MYO1E: variants seen among roughly 807,000 people sequenced by gnomAD.
MYO1E encodes unconventional myosin-Ie.
Under a neutral mutation model 151.1 loss-of-function variants are expected in MYO1E, and 68 were observed. The observed-to-expected ratio is 0.45, with a 90% CI of 0.37 to 0.55. The LOEUF is 0.55. Among genes scored for constraint, MYO1E ranks in the 20% least tolerant of loss-of-function variants. The probability of loss-of-function intolerance (pLI) is 0.00; values close to 1 mark genes in which losing one functional copy is unlikely to be tolerated. For missense variants in MYO1E, 1,363 were observed against 1,389.3 expected (o/e 0.98, Z 0.30); for synonymous variants, 601 against 501.7 (o/e 1.20, Z -2.64).
intron 4 of MYO1E, among the ~76,000 whole-genome samples, chr15:59,245,353 A>G (rs1231764109): frequency 6.6e-6 from 1 of 152,176 alleles, no homozygotes; most frequent in Non-Finnish European, 1.5e-5. Context: ...CAAATCTAAA[A>G]TATATGTTGA....
intron 9 of MYO1E, among the ~76,000 whole-genome samples, chr15:59,219,473 T>C (rs946219065): frequency 6.6e-6 from 1 of 152,230 alleles, no homozygotes; most frequent in African/African-American, 2.4e-5. Context: ...ATAATCTGTT[T>C]GAATTTCACA....
intron 18 of MYO1E, among the ~76,000 whole-genome samples, 196 bp from the exon 19 acceptor site, chr15:59,178,733 C>T (rs1055886028): frequency 1.3e-5 from 2 of 152,210 alleles, no homozygotes; most frequent in Admixed American, 6.5e-5. Context: ...TGCTCGTTCC[C>T]GAGCTGCCTC....
At chr15:59,280,542 AACCTGGGAGGCAGAGGTTGC>A (rs1241711628) in intron 1 of MYO1E, among the ~76,000 whole-genome samples, 1 of 151,866 alleles carries the variant, frequency 6.6e-6, no homozygotes, top group Non-Finnish European at 1.5e-5. Flanking sequence ...GAATTGCTTA[AACCTGGGAGGCAGAGGTTGC>A]AGTGAGCTGA....
chr15:59,328,052 G>A (rs1467151357), intron 1 of MYO1E, among the ~76,000 whole-genome samples: 1 of 152,226 alleles, frequency 6.6e-6, no homozygotes, highest in African/African-American at 2.4e-5. Flanking sequence ...GCTAAAAGGA[G>A]GAAGTGGAGG....
At chr15:59,335,291 A>G (rs1315542267) in intron 1 of MYO1E, among the ~76,000 whole-genome samples, 1 of 150,702 alleles carries the variant, frequency 6.6e-6, no homozygotes, top group African/African-American at 2.4e-5. Context: ...ATGTAGTAAA[A>G]GGTGGACTAG....
At chr15:59,323,064 G>A in intron 1 of MYO1E, among the ~76,000 whole-genome samples, 1 of 149,842 alleles carries the variant, frequency 6.7e-6, no homozygotes, top group Non-Finnish European at 1.5e-5. Context: ...AGCTACTCAG[G>A]AGGCTGAGGC....
rs1486599003 is a variant in MYO1E, at chr15:59,178,540, G to A, written c.1905-3C>T. On this transcript the variant is annotated splice_polypyrimidine_tract_variant and splice_region_variant and intron_variant, in intron 18 of 27. Coordinates refer to ENST00000288235, the MANE Select transcript of MYO1E (RefSeq NM_004998.4). ...TGGCTTTGGTCAGAATGGCATACCT[G>A]TGGGGACATTGGGGAGAAGAGAATC... is the stretch of plus-strand genomic sequence containing the variant. 1 of 1,613,868 alleles carries A rather than the reference G, an allele frequency of 6.2e-7. No homozygotes were observed. The highest frequency in any genetic ancestry group is 1.7e-5 in the Admixed American group (1 of 60,004).
At chr15:59,336,528 G>C (rs2080729565) in intron 1 of MYO1E, among the ~76,000 whole-genome samples, 1 of 152,112 alleles carries the variant, frequency 6.6e-6, no homozygotes, top group African/African-American at 2.4e-5. Context: ...TTTTGGACAT[G>C]TGTTGGATCA....
At chr15:59,267,886 G>C (rs949845648) in intron 2 of MYO1E, among the ~76,000 whole-genome samples, 11 of 152,048 alleles carry the variant, frequency 7.2e-5, no homozygotes, top group African/African-American at 2.2e-4. Context: ...TCAAAAATAG[G>C]GAGTTTTATT....
chr15:59,315,264 G>T (rs775957406), intron 1 of MYO1E, among the ~76,000 whole-genome samples: 5 of 152,046 alleles, frequency 3.3e-5, no homozygotes, highest in African/African-American at 1.2e-4. Context: ...GCCTTAACTA[G>T]TACACAACTC....
chr15:59,174,584 T>C (rs1290351128), intron 19 of MYO1E, among the ~76,000 whole-genome samples: 2 of 152,112 alleles, frequency 1.3e-5, no homozygotes, highest in Non-Finnish European at 2.9e-5. Flanking sequence ...AAGAGTGTAT[T>C]ATTAGGAAGT....
At position 59,163,198 on chromosome 15, in the gene MYO1E, C is replaced by T; in HGVS notation, c.2586G>A (p.Glu862=). ...EFLSLLAKRY[E]EKTQKQLPLK... ...GAGGTAGTTGCTTCTGGGTCTTCTC[C>T]TCGTAACGCTTTGCTAAGAGGCTTA... The change falls in exon 23 of 28, where the codon GAG becomes GAA. Residue 862 remains glutamate, a synonymous_variant. Coordinates refer to ENST00000288235, the MANE Select transcript of MYO1E (RefSeq NM_004998.4). The T allele has an allele frequency of 1.9e-6, 3 of 1,614,156 alleles. No individual in the cohort carries two copies. The highest frequency in any genetic ancestry group is 2.5e-6 in the Non-Finnish European group (3 of 1,180,024).
chr15:59,280,740 C>T (rs185975487), intron 1 of MYO1E, among the ~76,000 whole-genome samples: 1 of 151,856 alleles, frequency 6.6e-6, no homozygotes, highest in Non-Finnish European at 1.5e-5. Context: ...TAACCAGTAG[C>T]ATCTTAGGTG....
At chr15:59,358,315 T>G (rs1007049147) in intron 1 of MYO1E, among the ~76,000 whole-genome samples, 86 of 152,204 alleles carry the variant, frequency 5.7e-4, no homozygotes, top group African/African-American at 1.9e-3. Flanking sequence ...TTTACTGGCC[T>G]TACTTATGTT....
At chr15:59,300,708 C>T (rs1169237485) in intron 1 of MYO1E, among the ~76,000 whole-genome samples, 1 of 152,146 alleles carries the variant, frequency 6.6e-6, no homozygotes, top group Non-Finnish European at 1.5e-5. Context: ...CAAACTGCCC[C>T]TCTTTTGTTG....
At chr15:59,190,835 G>T (rs1407497085) in intron 17 of MYO1E, among the ~76,000 whole-genome samples, 7 of 152,182 alleles carry the variant, frequency 4.6e-5, no homozygotes, top group African/African-American at 1.7e-4. Flanking sequence ...AATAGAGAAG[G>T]AAGTGGATTT....
intron 18 of MYO1E, among the ~76,000 whole-genome samples, chr15:59,180,969 C>T (rs879428082): frequency 6.6e-6 from 1 of 152,150 alleles, no homozygotes; most frequent in Admixed American, 6.5e-5. Flanking sequence ...GAAATCTGTT[C>T]CCTGCTCTTG....
intron 1 of MYO1E, among the ~76,000 whole-genome samples, chr15:59,362,740 A>G (rs2080892327): frequency 6.6e-6 from 1 of 152,244 alleles, no homozygotes; most frequent in Non-Finnish European, 1.5e-5. Context: ...GAATCAGATA[A>G]TACTGTCCAA....
At chr15:59,142,704 T>C (rs2079417752) in intron 26 of MYO1E, among the ~76,000 whole-genome samples, 1 of 152,148 alleles carries the variant, frequency 6.6e-6, no homozygotes, top group Non-Finnish European at 1.5e-5. Context: ...CACCCCAGCC[T>C]TACTCCCTGC....
Sources: gnomAD v4.1 joint callset for allele counts (sites outside exome capture counted in the v4.1 genomes callset) on GRCh38, gnomAD v4.1.1 for gene constraint, MANE v1.5 for transcripts, NCBI Gene and HGNC (gene_info 2026-07-23, HGNC 2026-07-21) for gene names.